The following TULP4 variants were observed in gnomAD, a reference collection of about 807,000 sequenced individuals.
TULP4 encodes the protein tubby-related protein 4.
In TULP4, 16 loss-of-function variants were observed where a neutral mutation model predicts 129.0. The ratio of observed to expected loss-of-function variants is 0.12; its 90% CI spans 0.08 to 0.19. The LOEUF (loss-of-function observed/expected upper bound fraction) is 0.19. Among genes scored for constraint, TULP4 ranks in the 10% least tolerant of loss-of-function variants. The pLI, the probability that TULP4 is intolerant of heterozygous loss-of-function variation, is 1.00. For missense variants in TULP4, 1,842 were observed against 2,059.1 expected, an observed-to-expected ratio of 0.89 and a Z score of 2.04; for synonymous variants, 998 against 854.0, an observed-to-expected ratio of 1.17 and a Z score of -2.94.
rs1388653119 is a variant in TULP4 at position 158,507,931 on chromosome 6, A to G, written c.*1237A>G. 22 of 152,222 alleles carry G rather than the reference A, an allele frequency of 1.4e-4. No individual in the cohort carries two copies. Among genetic ancestry groups the G allele is most frequent in the Non-Finnish European group, 1.5e-5 (1 of 68,038 alleles). The allele number at this position is 152,222 out of a possible 1,614,324, so 9.4% of individuals were successfully genotyped here. A position where few individuals can be genotyped will look rare whatever the true frequency, so the allele number is the denominator to read the frequency against. On this transcript the variant is annotated 3_prime_UTR_variant, in exon 14 of 14. Transcript: ENST00000367097. The stretch of plus-strand genomic sequence containing the variant: ...CAAAATTTTCATGATCTTCTCTAAC[A>G]AAAAAAGTTGTTTATTAACTGTACA...
chr6:158,384,533 C>T lies in TULP4; in HGVS notation c.253-28532C>T, dbSNP rs190072530. Among the ~76,000 whole-genome samples, 4 of 152,260 alleles carry T rather than the reference C, an allele frequency of 2.6e-5. No homozygotes were observed. The East Asian group carries it at 5.8e-4, about 22-fold the overall frequency. ...TTGATCTCCTGACCTCATGATCCAC[C>T]CTCCTCAGCCTCCCAAAGTGCTAGG... On this transcript the variant is annotated intron_variant, in intron 1 of 13. Transcript: ENST00000367097.
At chr6:158,429,677 T>A in intron 2 of TULP4, 59 bp from the exon 3 acceptor site, 2 of 1,561,434 alleles carry the variant, frequency 1.3e-6, no homozygotes, top group Non-Finnish European at 1.7e-6. Context: ...GTCTAGACTT[T>A]GATAAAATGT....
Position 158,502,380 on chromosome 6 carries a change from G to A in TULP4, c.2717G>A (p.Arg906Gln), listed in dbSNP as rs377359848. The change falls in exon 13 of 14, where the codon CGG (arginine) becomes CAG (glutamine). Residue 906 changes from arginine to glutamine, a missense_variant. By Grantham distance (43) the Arg-to-Gln change is conservative. This residue lies in a region of TULP4 where 1,089 missense variants were observed against 987.1 expected (regional missense o/e 1.10). Transcript: ENST00000367097. ...NVEEVCRPRT[R>Q]MLCSQNTYTL... The stretch of plus-strand genomic sequence containing the variant: ...GAGGAGGTGTGCCGGCCCCGCACCC[G>A]GATGCTGTGCTCCCAGAACACGTAC... 1.7e-5 allele frequency: 27 copies of A among 1,613,620 alleles called. No individual in the cohort carries two copies. Among genetic ancestry groups the A allele is most frequent in the African/African-American group, 1.1e-4 (8 of 74,862 alleles).
upstream of TULP4, among the ~76,000 whole-genome samples, chr6:158,280,280 T>C (rs1778725833): frequency 6.6e-6 from 1 of 152,230 alleles, no homozygotes; most frequent in African/African-American, 2.4e-5. Flanking sequence ...CATGATACTA[T>C]GCATTCATGC....
intron 8 of TULP4, among the ~76,000 whole-genome samples, chr6:158,486,111 G>T (rs139697203): frequency 6.6e-6 from 1 of 152,152 alleles, no homozygotes; most frequent in Non-Finnish European, 1.5e-5. Flanking sequence ...TCTGAGAGTG[G>T]CCAGGAGTCC....
At chr6:158,233,752 GTGA>G (rs1311954627) in intron 1 of TULP4, among the ~76,000 whole-genome samples, 2 of 152,240 alleles carry the variant, frequency 1.3e-5, no homozygotes, top group East Asian at 1.9e-4. Flanking sequence ...TGGCATGGAA[GTGA>G]TGATATGAAT....
At chr6:158,464,529 C>T (rs1340683954) in intron 6 of TULP4, among the ~76,000 whole-genome samples, 3 of 152,184 alleles carry the variant, frequency 2.0e-5, no homozygotes, top group Non-Finnish European at 4.4e-5. Flanking sequence ...GTCCCACAGG[C>T]TGGAGTGTAG....
intron 1 of TULP4, among the ~76,000 whole-genome samples, chr6:158,326,247 G>A (rs1277415959): frequency 1.3e-5 from 2 of 151,846 alleles, no homozygotes; most frequent in Non-Finnish European, 2.9e-5. Context: ...TTTATCTATT[G>A]CAAAACCTTC....
intron 1 of TULP4, among the ~76,000 whole-genome samples, chr6:158,393,012 G>A (rs1777624196): frequency 6.7e-6 from 1 of 148,634 alleles, no homozygotes; most frequent in East Asian, 2.0e-4. Flanking sequence ...TCAACAACAA[G>A]TGAGTTACTT....
intron 2 of TULP4, among the ~76,000 whole-genome samples, chr6:158,424,518 G>A (rs921605720): frequency 6.6e-6 from 1 of 152,128 alleles, no homozygotes; most frequent in African/African-American, 2.4e-5. Flanking sequence ...CCAAAGTGCT[G>A]GGATTACAGG....
At chr6:158,256,281 G>A (rs1180631778) in intron 1 of TULP4, among the ~76,000 whole-genome samples, 3 of 152,132 alleles carry the variant, frequency 2.0e-5, no homozygotes, top group African/African-American at 4.8e-5. Context: ...TTGCCAGTGC[G>A]TGCATGTGTG....
chr6:158,463,584 A>G (rs1779490871), intron 6 of TULP4, among the ~76,000 whole-genome samples: 1 of 151,548 alleles, frequency 6.6e-6, no homozygotes, highest in Non-Finnish European at 1.5e-5. Flanking sequence ...AACGTGGCAC[A>G]TGTATACATA....
chr6:158,503,797 G>T lies in TULP4; in HGVS notation c.4134G>T (p.Gly1378=), dbSNP rs771777449. Residue 1378 remains glycine (G), a synonymous_variant, in exon 13 of 14, where the codon GGG becomes GGT. Transcript: ENST00000367097. The surrounding 1 kb of genome is among the most constrained non-coding windows in gnomAD (Gnocchi z 4.3). ...CCCTAATCTCCAGCCCACACCTGGG[G>T]AGAGAGAAGAAGAAAGTGAAGAGTC... ...FNSLISSPHL[G]REKKKVKSQK... 1.9e-6 allele frequency: 3 copies of T among 1,614,162 alleles called. No homozygotes were observed. The Admixed American group carries it at 5.0e-5, about 27-fold the overall frequency.
rs113914160 is a variant in TULP4 at position 158,246,023 on chromosome 6, G to GGGT, written n.68+13721_68+13722insGTG. On this transcript the variant is annotated intron_variant and non_coding_transcript_variant, in intron 1 of 1. Coordinates refer to the TULP4 transcript ENST00000620026. ...GTGAGTAATTTGCCTACCCCTTAGG[G>GGGT]GTGTGTGTGTGTGTGTGTGTGTGTG... Among the ~76,000 whole-genome samples, 6 of 145,920 alleles carry GGGT rather than the reference G, an allele frequency of 4.1e-5. No individual in the cohort carries two copies. The East Asian group carries it at 6.1e-4, about 15-fold the overall frequency.
intron 2 of TULP4, among the ~76,000 whole-genome samples, chr6:158,426,018 G>T (rs1778482085): frequency 6.6e-6 from 1 of 152,188 alleles, no homozygotes; most frequent in African/African-American, 2.4e-5. Context: ...TTGGCTGCAT[G>T]TATGACTTCT....
At chr6:158,419,193 C>G (rs1348262202) in intron 2 of TULP4, among the ~76,000 whole-genome samples, 1 of 152,160 alleles carries the variant, frequency 6.6e-6, no homozygotes, top group Non-Finnish European at 1.5e-5. Flanking sequence ...CAAACCATGC[C>G]ATTGTCATGA....
rs143716090 is a variant in TULP4, at chr6:158,458,995, C to T, written c.860-2568C>T. ...CTAAATCATCAGAGGCACTCACATA[C>T]GTTGCTATATCGCTTGATGCATGTA... On this transcript the variant is annotated intron_variant, in intron 5 of 13. Transcript: ENST00000367097. Among the ~76,000 whole-genome samples the T allele has an allele frequency of 3.6e-3, 542 of 152,312 alleles. 2 individuals carry two copies. The highest frequency in any genetic ancestry group is 0.012 in the African/African-American group (487 of 41,570).
Position 158,493,848 on chromosome 6 carries a change from A to T in TULP4, c.1776+131A>T. 7.0e-6 allele frequency: 7 copies of T among 996,144 alleles called. No homozygotes were observed. The highest frequency in any genetic ancestry group is 9.7e-6 in the Non-Finnish European group (7 of 721,498). 61.7% of individuals were successfully genotyped at this position (996,144 alleles called of 1,614,324 possible). ...CTGAGCTCTGCTCCACATCCTGCAC[A>T]CCACCTACTACCTCAGGAGTAGCCC... is the stretch of plus-strand genomic sequence containing the variant. On this transcript the variant is annotated intron_variant, in intron 10 of 13. Transcript: ENST00000367097. The surrounding 1 kb of genome is among the most constrained non-coding windows in gnomAD (Gnocchi z 4.4).
chr6:158,393,292 T>C (rs1777630591), intron 1 of TULP4, among the ~76,000 whole-genome samples: 1 of 152,192 alleles, frequency 6.6e-6, no homozygotes, highest in Non-Finnish European at 1.5e-5. Flanking sequence ...TGGACTGGTG[T>C]TGAGTGTCTG....
Sources: allele counts gnomAD v4.1 joint callset (sites outside exome capture counted in the v4.1 genomes callset), GRCh38; gene constraint gnomAD v4.1.1; regional missense constraint gnomAD v4.1.1; non-coding constraint Gnocchi (gnomAD v3.1); transcripts MANE v1.5; gene names NCBI Gene and HGNC (gene_info 2026-07-23, HGNC 2026-07-21).